The following EIF3B variants were observed in gnomAD, a reference collection of about 807,000 sequenced individuals.
The protein encoded by EIF3B is eukaryotic translation initiation factor 3 subunit 9.
A neutral mutation model predicts 104.6 loss-of-function variants in EIF3B; 10 were observed. The observed-to-expected ratio is 0.10, with a 90% CI of 0.06 to 0.16. The LOEUF is 0.16. EIF3B is among the 10% of genes least tolerant of loss of function. EIF3B has a pLI of 1.00. For missense variants in EIF3B, 1,014 were observed against 1,087.9 expected (o/e 0.93, Z 0.96); for synonymous variants, 542 against 417.2 (o/e 1.30, Z -3.65).
intron 14 of EIF3B, 124 bp downstream of exon 14, chr7:2,375,651 C>A: frequency 1.4e-6 from 2 of 1,413,650 alleles, no homozygotes; most frequent in South Asian, 1.3e-5. Flanking sequence ...TGAACAGAAG[C>A]CTTGGCTGGT....
intron 12 of EIF3B, 142 bp downstream of exon 12, chr7:2,372,937 C>G: frequency 1.2e-6 from 1 of 862,380 alleles, no homozygotes; most frequent in Middle Eastern, 3.7e-4. Flanking sequence ...GTGGCCTCGG[C>G]TGATGGAAGT....
At chr7:2,378,473 G>C (rs555584583) in intron 15 of EIF3B, 20 of 228,446 alleles carry the variant, frequency 8.8e-5, no homozygotes, top group African/African-American at 5.1e-4. Context: ...GAATGACCCT[G>C]GGTGTCATGG....
rs190016370 is a variant in EIF3B at position 2,374,610 on chromosome 7, G to A, written c.1889+4G>A. 1,253 of 1,613,826 alleles carry A rather than the reference G, an allele frequency of 7.8e-4. No individual in the cohort carries two copies. Among genetic ancestry groups the A allele is most frequent in the Admixed American group, 1.1e-3 (67 of 59,998 alleles). On this transcript the variant is annotated splice_donor_region_variant and intron_variant, in intron 13 of 18. Coordinates refer to ENST00000360876, the MANE Select transcript of EIF3B (RefSeq NM_001037283.2). ...TGGTGTTGGCGGGCCTGAGGAGGTA[G>A]GTGTCTGCGCTCTGAGCCTGTCCGC...
rs1211655858 is a variant in EIF3B, at chr7:2,355,407, C to T, written c.486C>T (p.Asp162=). 2 of 1,472,816 alleles carry T rather than the reference C, an allele frequency of 1.4e-6. No homozygotes were observed. The highest frequency in any genetic ancestry group is 1.4e-5 in the African/African-American group (1 of 69,354). 91.2% of individuals were successfully genotyped at this position (1,472,816 alleles called of 1,614,324 possible). ...GCGACCCCGAGGACTTCGTGGACGACGTGAGCGAGGAAGGTGAGGGCGCCC... is the reference window on the plus strand; with the variant it reads ...GCGACCCCGAGGACTTCGTGGACGATGTGAGCGAGGAAGGTGAGGGCGCCC... ...SFSDPEDFVD[D]VSEEELLGDV... The change falls in exon 1 of 19, where the codon GAC becomes GAT. Residue 162 remains aspartate, a synonymous_variant. Coordinates refer to ENST00000360876, the MANE Select transcript of EIF3B (RefSeq NM_001037283.2).
intron 9 of EIF3B, 140 bp downstream of exon 9, chr7:2,367,185 G>A (rs190269292): frequency 1.2e-6 from 1 of 803,232 alleles, no homozygotes; most frequent in Non-Finnish European, 1.9e-6. Context: ...TGGAGCTTGG[G>A]AGCTTGAGGT....
At chr7:2,356,918 T>C (rs767962396) in intron 1 of EIF3B, among the ~76,000 whole-genome samples, 2 of 152,218 alleles carry the variant, frequency 1.3e-5, no homozygotes, top group South Asian at 2.1e-4. Flanking sequence ...CTAAAGACTT[T>C]GGGAACATCT....
intron 1 of EIF3B, among the ~76,000 whole-genome samples, chr7:2,356,458 C>T (rs138473111): frequency 0.013 from 1,926 of 151,976 alleles, 38 homozygotes; most frequent in African/African-American, 0.044. Flanking sequence ...AAAAATTAGC[C>T]GGGCGTGGTG....
rs1780649623 is a variant in EIF3B, at chr7:2,376,691, T to C, written c.2029-259T>C. On this transcript the variant is annotated intron_variant, in intron 14 of 18. Coordinates refer to ENST00000360876, the MANE Select transcript of EIF3B (RefSeq NM_001037283.2). ...TAGCTTACATCCAGCATGGGGTTCT[T>C]ATTGCCAGCCAGAATGTGCAGGCCT... The C allele has an allele frequency of 7.0e-6, 3 of 425,836 alleles. No homozygotes were observed. In the South Asian group the frequency reaches 1.2e-4, roughly 17 times the overall value. 26.4% of individuals were successfully genotyped at this position (425,836 alleles called of 1,614,324 possible). A position where few individuals can be genotyped will look rare whatever the true frequency, so the allele number is the denominator to read the frequency against.
At position 2,363,072 on chromosome 7, in the gene EIF3B, A is replaced by G; in HGVS notation, c.815A>G (p.Tyr272Cys). ...RVNLFTDFDK[Y>C]MTISDEWDIP... ...CAGCAGTCTCCTTTCTTCTCCAGGT[A>G]TATGACGATCAGTGACGAGTGGGAT... Residue 272 changes from tyrosine to cysteine, a missense_variant and splice_region_variant, in exon 4 of 19, where the codon TAT becomes TGT. This residue lies in a region of EIF3B where 488 missense variants were observed against 404.3 expected (regional missense o/e 1.21). Coordinates refer to ENST00000360876, the MANE Select transcript of EIF3B (RefSeq NM_001037283.2). The G allele has an allele frequency of 1.2e-6, 2 of 1,614,082 alleles. No homozygotes were observed. Among genetic ancestry groups the G allele is most frequent in the South Asian group, 1.1e-5 (1 of 91,086 alleles).
intron 5 of EIF3B, among the ~76,000 whole-genome samples, 178 bp downstream of exon 5, chr7:2,363,938 G>C (rs759967429): frequency 3.9e-5 from 6 of 152,242 alleles, no homozygotes; most frequent in Non-Finnish European, 7.3e-5. Flanking sequence ...ATCCTGAGAA[G>C]TGAACAGGCT....
chr7:2,362,783 A>C lies in EIF3B; in HGVS notation c.812+19A>C. 6.2e-7 allele frequency: 1 copy of C among 1,613,886 alleles called. No individual in the cohort carries two copies. The highest frequency in any genetic ancestry group is 8.5e-7 in the Non-Finnish European group (1 of 1,179,900). On this transcript the variant is annotated intron_variant, in intron 3 of 18. Coordinates refer to ENST00000360876, the MANE Select transcript of EIF3B (RefSeq NM_001037283.2). Reference sequence around the variant, plus strand: ...TTGACAAGTGAGTTCAGACTTGGCCACAAGGAAGTGGACGTTGACGTGCAA... The same window carrying C: ...TTGACAAGTGAGTTCAGACTTGGCCCCAAGGAAGTGGACGTTGACGTGCAA...
chr7:2,357,200 G>C (rs1779493463), intron 1 of EIF3B, among the ~76,000 whole-genome samples: 1 of 152,186 alleles, frequency 6.6e-6, no homozygotes, highest in Admixed American at 6.5e-5. Flanking sequence ...TTCTGGAATT[G>C]GGAAGAGTCA....
chr7:2,372,019 T>C (rs930889874), intron 11 of EIF3B, 170 bp downstream of exon 11: 15 of 608,150 alleles, frequency 2.5e-5, no homozygotes, highest in African/African-American at 2.4e-4. Flanking sequence ...CTGGGCAACA[T>C]AGTGAGACCC....
chr7:2,379,101 C>T (rs939547263), intron 16 of EIF3B, 33 bp from the exon 17 acceptor site: 1 of 1,594,082 alleles, frequency 6.3e-7, no homozygotes, highest in African/African-American at 1.3e-5. Context: ...ACTTGTCTTA[C>T]CAGTTCTGTG....
chr7:2,368,185 C>G (rs1275347071), intron 9 of EIF3B, among the ~76,000 whole-genome samples: 1 of 152,100 alleles, frequency 6.6e-6, no homozygotes, highest in Admixed American at 6.6e-5. Context: ...CTCTGTTGCC[C>G]AGGCTGGAGT....
intron 9 of EIF3B, among the ~76,000 whole-genome samples, chr7:2,368,244 A>T (rs1435970695): frequency 7.2e-5 from 11 of 151,988 alleles, no homozygotes; most frequent in Admixed American, 6.6e-4. Context: ...CCAGGTTCAA[A>T]CGATTCTGGT....
At chr7:2,364,993 G>A (rs1270614739) in intron 6 of EIF3B, among the ~76,000 whole-genome samples, 1 of 152,208 alleles carries the variant, frequency 6.6e-6, no homozygotes, top group Non-Finnish European at 1.5e-5. Context: ...TATCACCCAG[G>A]CTTGGCGCCA....
chr7:2,365,090 C>T (rs768304415), intron 6 of EIF3B, among the ~76,000 whole-genome samples: 1 of 152,320 alleles, frequency 6.6e-6, no homozygotes, highest in South Asian at 2.1e-4. Flanking sequence ...GTAGCGGGGA[C>T]CGCAGGCACA....
intron 13 of EIF3B, 145 bp downstream of exon 13, chr7:2,374,751 A>G: frequency 1.4e-6 from 1 of 700,686 alleles, no homozygotes; most frequent in South Asian, 2.0e-5. Flanking sequence ...ATAGGACTTC[A>G]TTGAACCTCT....
Sources: allele counts gnomAD v4.1 joint callset (sites outside exome capture counted in the v4.1 genomes callset), GRCh38; gene constraint gnomAD v4.1.1; regional missense constraint gnomAD v4.1.1; transcripts MANE v1.5; gene names NCBI Gene and HGNC (gene_info 2026-07-23, HGNC 2026-07-21).